SAMD4B: variants seen among roughly 807,000 people sequenced by gnomAD.
The protein encoded by SAMD4B is sterile alpha motif domain containing 4B.
In SAMD4B, 5 loss-of-function variants were observed where a neutral mutation model predicts 74.5. That is an observed-to-expected ratio of 0.07 (90% confidence interval 0.04 to 0.14). The LOEUF (loss-of-function observed/expected upper bound fraction) is 0.14. SAMD4B is among the 10% of genes least tolerant of loss of function. The pLI, the probability that SAMD4B is intolerant of heterozygous loss-of-function variation, is 1.00. For synonymous variants in SAMD4B, 373 were observed against 374.9 expected, an observed-to-expected ratio of 1.00 and a Z score of 0.06; for missense variants, 608 against 921.8, an observed-to-expected ratio of 0.66 and a Z score of 4.41.
intron 1 of SAMD4B, among the ~76,000 whole-genome samples, chr19:39,344,338 A>T (rs959476319): frequency 2.0e-5 from 3 of 150,786 alleles, no homozygotes; most frequent in African/African-American, 7.3e-5. Flanking sequence ...TGGAGACTTT[A>T]CTCAGCTTTC....
intron 3 of SAMD4B, among the ~76,000 whole-genome samples, chr19:39,366,451 C>T (rs1182490667): frequency 2.6e-5 from 4 of 152,130 alleles, no homozygotes; most frequent in Non-Finnish European, 4.4e-5. Context: ...GGCAATAGAG[C>T]GAGACTCCAT....
At chr19:39,386,613 C>A (rs1568372591), downstream of SAMD4B, 10 of 1,610,008 alleles carry the variant, frequency 6.2e-6, no homozygotes, top group South Asian at 1.1e-4. The surrounding 1 kb of genome is among the most constrained non-coding windows in gnomAD (Gnocchi z 6.1). Context: ...GGAGGGTGTT[C>A]TGCTGGGTTT....
At chr19:39,347,564 T>G (rs1001532414) in intron 1 of SAMD4B, among the ~76,000 whole-genome samples, 15 of 152,112 alleles carry the variant, frequency 9.9e-5, no homozygotes, top group African/African-American at 3.6e-4. Context: ...CACTTTGCTT[T>G]GGGATATCAC....
At position 39,375,963 on chromosome 19, in the gene SAMD4B, G is replaced by A. The variant is rs1228342310; in HGVS notation, c.907+74G>A. 21 of 1,551,196 alleles carry A rather than the reference G, an allele frequency of 1.4e-5. No homozygotes were observed. The East Asian group carries it at 4.3e-4, about 32-fold the overall frequency. On this transcript the variant is annotated intron_variant, in intron 5 of 13. Coordinates refer to ENST00000610417, the MANE Select transcript of SAMD4B (RefSeq NM_001384574.2). The surrounding 1 kb of genome is among the most constrained non-coding windows in gnomAD (Gnocchi z 4.1). Reference sequence around the variant, plus strand: ...GAGCTTAGAGGACAGAAAGGAGCTTGTAGCTGACACCTGCTTACCCCTCTG... The same window carrying A: ...GAGCTTAGAGGACAGAAAGGAGCTTATAGCTGACACCTGCTTACCCCTCTG...
At chr19:39,374,624 G>A (rs113612798) in intron 4 of SAMD4B, among the ~76,000 whole-genome samples, 5,953 of 152,144 alleles carry the variant, frequency 0.039, 336 homozygotes, top group African/African-American at 0.13. Flanking sequence ...GGCGGATCAC[G>A]AGGTCAGGAG....
At chr19:39,371,067 T>A (rs951534230) in intron 4 of SAMD4B, among the ~76,000 whole-genome samples, 15 of 152,188 alleles carry the variant, frequency 9.9e-5, no homozygotes, top group Non-Finnish European at 5.9e-5. Context: ...CCCAGTGACT[T>A]TTTGAAATGC....
chr19:39,348,754 TAGG>T (rs1367995730), intron 1 of SAMD4B, among the ~76,000 whole-genome samples: 1 of 152,110 alleles, frequency 6.6e-6, no homozygotes, highest in Non-Finnish European at 1.5e-5. Flanking sequence ...GAAGGAAAGT[TAGG>T]AGACAATCCA....
At chr19:39,390,737 A>G in the SAMD4B span, 1 of 1,431,062 alleles carries the variant, frequency 7.0e-7, no homozygotes, top group Non-Finnish European at 9.6e-7. Context: ...TCACGGGCAG[A>G]CCTGGGGGCT....
chr19:39,389,727 GT>G, downstream of SAMD4B: 2 of 1,614,148 alleles, frequency 1.2e-6, no homozygotes, highest in Non-Finnish European at 1.7e-6. The surrounding 1 kb of genome is among the most constrained non-coding windows in gnomAD (Gnocchi z 5.3). Flanking sequence ...TGTTTGTGCT[GT>G]TTCTCCAAGG....
At chr19:39,382,460 C>G (rs2078054462) in intron 12 of SAMD4B, among the ~76,000 whole-genome samples, 1 of 151,896 alleles carries the variant, frequency 6.6e-6, no homozygotes, top group Non-Finnish European at 1.5e-5. Context: ...TAAGGAGAGA[C>G]AATTGGGTGA....
chr19:39,389,135 C>T (rs2078317426), downstream of SAMD4B: 1 of 1,614,188 alleles, frequency 6.2e-7, no homozygotes, highest in East Asian at 2.2e-5. This position sits in a 1 kb window ranked among gnomAD's most constrained non-coding sequence, Gnocchi z 5.3. Context: ...TGGCTGTGAT[C>T]TGGCTATCCC....
Position 39,383,923 on chromosome 19 carries a change from C to G in SAMD4B, c.*396C>G. ...TGACCACTACCTTGTGGAGCCTGCT[C>G]AGAAACATTTGACATTTGGGGTGAC... On this transcript the variant is annotated 3_prime_UTR_variant, in exon 14 of 14. Coordinates refer to ENST00000610417, the MANE Select transcript of SAMD4B (RefSeq NM_001384574.2). The surrounding 1 kb of genome is among the most constrained non-coding windows in gnomAD (Gnocchi z 4.1). 1.7e-6 allele frequency: 1 copy of G among 576,424 alleles called. No individual in the cohort carries two copies. The highest frequency in any genetic ancestry group is 3.1e-6 in the Non-Finnish European group (1 of 324,494). The allele number at this position is 576,424 out of a possible 1,614,324, so 35.7% of individuals were successfully genotyped here.
At chr19:39,388,201 A>AC, downstream of SAMD4B, 4 of 820,236 alleles carry the variant, frequency 4.9e-6, no homozygotes, top group Non-Finnish European at 7.9e-6. Flanking sequence ...CATGTGCATG[A>AC]CCAGACATCT....
intron 1 of SAMD4B, among the ~76,000 whole-genome samples, chr19:39,345,346 C>G (rs544544526): frequency 6.6e-6 from 1 of 152,338 alleles, no homozygotes; most frequent in African/African-American, 2.4e-5. Flanking sequence ...TTACTCCATC[C>G]TCTGAGCAGT....
rs2077564068 is a variant in SAMD4B, at chr19:39,375,751, G to C, written c.769G>C (p.Gly257Arg). 6.2e-7 allele frequency: 1 copy of C among 1,614,172 alleles called. No homozygotes were observed. The highest frequency in any genetic ancestry group is 1.1e-5 in the South Asian group (1 of 91,090). ...PGEWPSPEEL[G>R]ARAAFTTPDH... ...TGAGTGGCCGAGTCCAGAGGAGCTT[G>C]GGGCCCGGGCTGCTTTTACCACGCC... is the stretch of plus-strand genomic sequence containing the variant. Residue 257 changes from glycine (G) to arginine (R), a missense_variant, in exon 5 of 14, where the codon GGG (glycine) becomes CGG (arginine). Transcript: ENST00000610417. This position sits in a 1 kb window ranked among gnomAD's most constrained non-coding sequence, Gnocchi z 4.1.
chr19:39,387,255 G>T (rs925019466), downstream of SAMD4B: 1 of 382,260 alleles, frequency 2.6e-6, no homozygotes, highest in African/African-American at 2.0e-5. Context: ...ACAATAGTAA[G>T]TATTTGTGTA....
the SAMD4B span, chr19:39,390,735 A>C: frequency 1.4e-6 from 2 of 1,415,110 alleles, no homozygotes; most frequent in Non-Finnish European, 2.0e-6. Flanking sequence ...CGTCACGGGC[A>C]GACCTGGGGG....
downstream of SAMD4B, chr19:39,388,443 C>A: frequency 6.2e-7 from 1 of 1,614,180 alleles, no homozygotes; most frequent in South Asian, 1.1e-5. Context: ...TCCAGTTGTA[C>A]TCCCGAGCAA....
At chr19:39,389,782 T>C (rs1568375091), downstream of SAMD4B, 6 of 1,613,722 alleles carry the variant, frequency 3.7e-6, no homozygotes, top group Non-Finnish European at 5.1e-6. This position sits in a 1 kb window ranked among gnomAD's most constrained non-coding sequence, Gnocchi z 5.3. Flanking sequence ...AAACACCTAT[T>C]GTGGTGTTTG....
Sources: gnomAD v4.1 joint callset for allele counts (sites outside exome capture counted in the v4.1 genomes callset) on GRCh38, gnomAD v4.1.1 for gene constraint, Gnocchi (gnomAD v3.1) non-coding constraint, MANE v1.5 for transcripts, NCBI Gene and HGNC (gene_info 2026-07-23, HGNC 2026-07-21) for gene names.